Variants in CHST11 observed in about 807,000 individuals in gnomAD.
CHST11 encodes carbohydrate sulfotransferase 11.
Under a neutral mutation model 30.4 loss-of-function variants are expected in CHST11, and 9 were observed. That is an observed-to-expected ratio of 0.30 (90% CI 0.18 to 0.52). The LOEUF (loss-of-function observed/expected upper bound fraction) is 0.52. Among genes scored for constraint, CHST11 ranks in the 20% least tolerant of loss-of-function variants. The probability of loss-of-function intolerance (pLI) is 0.97; values close to 1 mark genes in which losing one functional copy is unlikely to be tolerated. For missense variants in CHST11, 348 were observed against 460.6 expected (o/e 0.76, Z 2.24); for synonymous variants, 152 against 187.8 (o/e 0.81, Z 1.56).
intron 1 of CHST11, among the ~76,000 whole-genome samples, chr12:104,505,341 C>T (rs74391429): frequency 6.6e-6 from 1 of 152,148 alleles, no homozygotes; most frequent in Non-Finnish European, 1.5e-5. Flanking sequence ...CACACCCCCC[C>T]AGCAGAGAGC....
At chr12:104,703,386 A>G (rs1204149622) in intron 2 of CHST11, among the ~76,000 whole-genome samples, 2 of 152,194 alleles carry the variant, frequency 1.3e-5, no homozygotes, top group Non-Finnish European at 2.9e-5. Flanking sequence ...TTTTCAGGGT[A>G]AAATCCTCAG....
At chr12:104,531,634 A>G (rs886806223) in intron 1 of CHST11, among the ~76,000 whole-genome samples, 1 of 151,736 alleles carries the variant, frequency 6.6e-6, no homozygotes, top group Non-Finnish European at 1.5e-5. Flanking sequence ...TCTCTTGGGA[A>G]TTCCTCTCAT....
intron 2 of CHST11, among the ~76,000 whole-genome samples, chr12:104,668,156 A>G (rs2136093023): frequency 6.6e-6 from 1 of 152,226 alleles, no homozygotes; most frequent in South Asian, 2.1e-4. Context: ...CAGTTTACAC[A>G]ATAAGAAAGT....
chr12:104,525,487 C>A (rs993683732), intron 1 of CHST11, among the ~76,000 whole-genome samples: 1 of 152,182 alleles, frequency 6.6e-6, no homozygotes, highest in Non-Finnish European at 1.5e-5. Context: ...TTAGGTCTGA[C>A]AAACCTGGGT....
chr12:104,572,655 T>TA (rs1027263487), intron 1 of CHST11, among the ~76,000 whole-genome samples: 3 of 152,170 alleles, frequency 2.0e-5, no homozygotes, highest in Non-Finnish European at 4.4e-5. Context: ...TTGATCTTTT[T>TA]AAAAAAACTA....
At chr12:104,531,551 A>C (rs2038185129) in intron 1 of CHST11, among the ~76,000 whole-genome samples, 1 of 151,712 alleles carries the variant, frequency 6.6e-6, no homozygotes, top group Non-Finnish European at 1.5e-5. Flanking sequence ...GAAAGATTGA[A>C]GTCATTGTTG....
chr12:104,562,136 T>C (rs1328546451), intron 1 of CHST11, among the ~76,000 whole-genome samples: 1 of 152,088 alleles, frequency 6.6e-6, no homozygotes, highest in Non-Finnish European at 1.5e-5. Flanking sequence ...GGGACACTAG[T>C]GCTCTGGTTG....
chr12:104,664,401 T>A (rs1340583565), intron 2 of CHST11, among the ~76,000 whole-genome samples: 1 of 152,186 alleles, frequency 6.6e-6, no homozygotes, highest in Non-Finnish European at 1.5e-5. Context: ...TTTGTTAAGG[T>A]TTAGACACAT....
intron 1 of CHST11, among the ~76,000 whole-genome samples, chr12:104,495,152 T>A (rs1414750323): frequency 6.6e-6 from 1 of 152,192 alleles, no homozygotes; most frequent in Non-Finnish European, 1.5e-5. Flanking sequence ...TGTGACAGGA[T>A]TCCTTCCTTT....
At chr12:104,642,792 T>G (rs2039389842) in intron 2 of CHST11, among the ~76,000 whole-genome samples, 1 of 87,808 alleles carries the variant, frequency 1.1e-5, no homozygotes, top group East Asian at 3.2e-4. Context: ...AAAATTATTT[T>G]GGGGATTTAG....
At chr12:104,745,063 C>T (rs542151172) in intron 2 of CHST11, among the ~76,000 whole-genome samples, 21 of 152,012 alleles carry the variant, frequency 1.4e-4, no homozygotes, top group African/African-American at 4.3e-4. Flanking sequence ...TAGTAAAGAC[C>T]GGGTTTCGCC....
chr12:104,526,592 G>T (rs1430889111), intron 1 of CHST11, among the ~76,000 whole-genome samples: 1 of 152,192 alleles, frequency 6.6e-6, no homozygotes, highest in African/African-American at 2.4e-5. Flanking sequence ...GTTAGAGGGG[G>T]CTTGATGGGC....
At chr12:104,498,066 G>A (rs114687314) in intron 1 of CHST11, among the ~76,000 whole-genome samples, 3,417 of 151,900 alleles carry the variant, frequency 0.022, 127 homozygotes, top group African/African-American at 0.077. Flanking sequence ...TTGTAGGCAT[G>A]TACCACCACA....
intron 1 of CHST11, among the ~76,000 whole-genome samples, chr12:104,568,641 A>G (rs893214533): frequency 3.3e-5 from 5 of 152,094 alleles, no homozygotes; most frequent in Admixed American, 6.6e-5. Flanking sequence ...CATCTCTACT[A>G]TTATCTATAA....
chr12:104,621,184 C>T, intron 2 of CHST11, among the ~76,000 whole-genome samples: 1 of 152,214 alleles, frequency 6.6e-6, no homozygotes, highest in Non-Finnish European at 1.5e-5. Context: ...CAGACCACAG[C>T]CCCCAGTTTG....
At chr12:104,608,582 A>C (rs556003927) in intron 2 of CHST11, among the ~76,000 whole-genome samples, 1 of 152,142 alleles carries the variant, frequency 6.6e-6, no homozygotes, top group African/African-American at 2.4e-5. Context: ...TACTTTTTCT[A>C]ATAAATCTGC....
At chr12:104,747,399 T>C (rs1355705463) in intron 2 of CHST11, among the ~76,000 whole-genome samples, 2 of 152,114 alleles carry the variant, frequency 1.3e-5, no homozygotes, top group Non-Finnish European at 2.9e-5. Context: ...CCTCATAGAG[T>C]GTGAAGATCA....
In CHST11 at chr12:104,720,483, A is replaced by G. The variant is rs1216162692; in HGVS notation, c.205-36466A>G. Among the ~76,000 whole-genome samples the G allele has an allele frequency of 5.9e-5, 9 of 152,190 alleles. No individual in the cohort carries two copies. In the East Asian group the frequency reaches 1.3e-3, roughly 23 times the overall value. ...TTCCTCATCCAGGAAGACAGGACCT[A>G]GGGCTGGACGGCAGCTACACTCATG... is the stretch of plus-strand genomic sequence containing the variant. On this transcript the variant is annotated intron_variant, in intron 2 of 2. Transcript: ENST00000303694.
intron 1 of CHST11, among the ~76,000 whole-genome samples, chr12:104,459,584 C>T (rs1192514546): frequency 6.6e-6 from 1 of 152,214 alleles, no homozygotes. Flanking sequence ...ACTTTCTAGC[C>T]AAAGATACTA....
Sources: allele counts gnomAD v4.1 joint callset (sites outside exome capture counted in the v4.1 genomes callset), GRCh38; gene constraint gnomAD v4.1.1; transcripts MANE v1.5; gene names NCBI Gene and HGNC (gene_info 2026-07-23, HGNC 2026-07-21).